PIBF1: variants seen among roughly 807,000 people sequenced by gnomAD.
PIBF1 encodes progesterone immunomodulatory binding factor 1.
In PIBF1, 90 loss-of-function variants were observed where a neutral mutation model predicts 112.5. The ratio of observed to expected loss-of-function variants is 0.80; its 90% CI spans 0.67 to 0.95. PIBF1 has a LOEUF of 0.95. Among genes scored for constraint, PIBF1 ranks in the 40% least tolerant of loss-of-function variants. The probability of loss-of-function intolerance (pLI) is 0.00; values close to 1 mark genes in which losing one functional copy is unlikely to be tolerated. For missense variants in PIBF1, 915 were observed against 852.3 expected, an observed-to-expected ratio of 1.07 and a Z score of -0.92; for synonymous variants, 301 against 288.6, an observed-to-expected ratio of 1.04 and a Z score of -0.44.
chr13:72,810,834 C>A (rs1302279463), intron 5 of PIBF1, among the ~76,000 whole-genome samples: 5 of 151,266 alleles, frequency 3.3e-5, no homozygotes, highest in Non-Finnish European at 5.9e-5. Flanking sequence ...CTATTTTGGT[C>A]TGAGGTGGAA....
intron 3 of PIBF1, among the ~76,000 whole-genome samples, chr13:72,794,024 A>G (rs917717566): frequency 1.3e-5 from 2 of 152,228 alleles, no homozygotes; most frequent in African/African-American, 4.8e-5. Context: ...CAGACAGAAG[A>G]GGACCAAGTA....
At chr13:72,957,931 AAC>A (rs1289973474) in intron 14 of PIBF1, among the ~76,000 whole-genome samples, 1 of 151,520 alleles carries the variant, frequency 6.6e-6, no homozygotes, top group African/African-American at 2.4e-5. Context: ...CAGCCTGAGC[AAC>A]AGAGTGAGAT....
chr13:72,953,517 C>CG (rs1209737243), intron 14 of PIBF1, among the ~76,000 whole-genome samples: 6 of 152,156 alleles, frequency 3.9e-5, no homozygotes, highest in African/African-American at 7.2e-5. Context: ...CTCCCAGCAG[C>CG]GGGTACCAGC....
At chr13:72,975,137 C>T (rs1293057888) in intron 16 of PIBF1, among the ~76,000 whole-genome samples, 1 of 150,720 alleles carries the variant, frequency 6.6e-6, no homozygotes, top group African/African-American at 2.4e-5. Flanking sequence ...CTCACGGCAA[C>T]CTCTGCCTTC....
intron 9 of PIBF1, among the ~76,000 whole-genome samples, chr13:72,847,140 T>C (rs969435085): frequency 1.3e-5 from 2 of 152,208 alleles, no homozygotes; most frequent in Non-Finnish European, 2.9e-5. Flanking sequence ...AACACATTAA[T>C]GGATTTAAGC....
At chr13:72,843,036 G>A (rs1357002793) in intron 9 of PIBF1, among the ~76,000 whole-genome samples, 3 of 152,188 alleles carry the variant, frequency 2.0e-5, no homozygotes, top group African/African-American at 4.8e-5. Flanking sequence ...CCTTTGTGGT[G>A]TAATTCGTTG....
chr13:72,976,063 C>T (rs1166585248), intron 16 of PIBF1, among the ~76,000 whole-genome samples: 1 of 151,978 alleles, frequency 6.6e-6, no homozygotes, highest in Admixed American at 6.6e-5. Context: ...AAAAACTTTG[C>T]GTGGTGGATT....
At chr13:73,004,264 G>A (rs563477593) in intron 17 of PIBF1, among the ~76,000 whole-genome samples, 1 of 152,220 alleles carries the variant, frequency 6.6e-6, no homozygotes, top group East Asian at 1.9e-4. Flanking sequence ...GCCGAGGTGG[G>A]CGGCTCACCT....
At chr13:72,961,085 TAA>T (rs2042592303) in intron 14 of PIBF1, among the ~76,000 whole-genome samples, 2 of 151,754 alleles carry the variant, frequency 1.3e-5, no homozygotes, top group African/African-American at 4.8e-5. Context: ...GGGCTGTAGT[TAA>T]TATAACTATC....
intron 12 of PIBF1, among the ~76,000 whole-genome samples, chr13:72,914,637 G>A (rs1594185688): frequency 6.6e-6 from 1 of 152,268 alleles, no homozygotes; most frequent in Non-Finnish European, 1.5e-5. Flanking sequence ...AGGCTGGAGT[G>A]CAGTGGTACA....
chr13:72,801,033 A>G (rs1365885918), intron 5 of PIBF1, among the ~76,000 whole-genome samples: 1 of 152,156 alleles, frequency 6.6e-6, no homozygotes, highest in East Asian at 1.9e-4. Flanking sequence ...ATGCAAAGGC[A>G]GGGGGGTACT....
rs373768821 is a variant in PIBF1, at chr13:72,999,399, CAAAT to C, written c.2223+407_2223+410del. 3.2e-4 allele frequency among the ~76,000 whole-genome samples: 48 copies of C among 151,884 alleles called. No individual in the cohort carries two copies. The South Asian group carries it at 4.2e-3, about 13-fold the overall frequency. On this transcript the variant is annotated intron_variant, in intron 17 of 17. Transcript: ENST00000326291. Reference sequence around the variant, plus strand: ...AAATATTGAAAACTATATATTTTAACAAATAATAAGAATCAAGATTAAAAGGCAA... The same window carrying C: ...AAATATTGAAAACTATATATTTTAACAATAAGAATCAAGATTAAAAGGCAA...
chr13:72,909,289 G>A (rs1283428673), intron 12 of PIBF1, among the ~76,000 whole-genome samples: 1 of 152,112 alleles, frequency 6.6e-6, no homozygotes, highest in Non-Finnish European at 1.5e-5. Context: ...GGAGTTCATG[G>A]AAATAATTCC....
chr13:72,809,282 A>G (rs1167835174), intron 5 of PIBF1, among the ~76,000 whole-genome samples: 1 of 151,468 alleles, frequency 6.6e-6, no homozygotes, highest in Non-Finnish European at 1.5e-5. Flanking sequence ...GCAATCAATC[A>G]CATAGTATCT....
intron 17 of PIBF1, among the ~76,000 whole-genome samples, chr13:73,001,316 A>G (rs931902228): frequency 6.6e-6 from 1 of 152,156 alleles, no homozygotes; most frequent in Non-Finnish European, 1.5e-5. Context: ...GGAATTTACC[A>G]CGCTAATATT....
At chr13:72,935,298 A>G (rs1376177013) in intron 14 of PIBF1, among the ~76,000 whole-genome samples, 1 of 152,082 alleles carries the variant, frequency 6.6e-6, no homozygotes, top group South Asian at 2.1e-4. Context: ...CTAGACTTTT[A>G]TATAAGAGGA....
At chr13:72,988,230 A>C (rs996667587) in intron 16 of PIBF1, among the ~76,000 whole-genome samples, 1 of 152,014 alleles carries the variant, frequency 6.6e-6, no homozygotes, top group African/African-American at 2.4e-5. Context: ...TTGGTATTTG[A>C]GTGTGAATTA....
chr13:72,947,856 G>T (rs9600051), intron 14 of PIBF1, among the ~76,000 whole-genome samples: 1,848 of 152,258 alleles, frequency 0.012, 18 homozygotes, highest in Middle Eastern at 0.027. Flanking sequence ...TCAATGATAG[G>T]CTGGATAAAG....
At chr13:72,839,784 A>G (rs1014463582) in intron 9 of PIBF1, among the ~76,000 whole-genome samples, 3 of 152,134 alleles carry the variant, frequency 2.0e-5, no homozygotes, top group Non-Finnish European at 4.4e-5. Flanking sequence ...TGTGGTTGGT[A>G]GGGGTAGGTT....
Sources: allele counts gnomAD v4.1 joint callset (sites outside exome capture counted in the v4.1 genomes callset), GRCh38; gene constraint gnomAD v4.1.1; transcripts MANE v1.5; gene names NCBI Gene and HGNC (gene_info 2026-07-23, HGNC 2026-07-21).